Variants in SLC4A10 observed in about 807,000 individuals in gnomAD.
The protein encoded by SLC4A10 is sodium-driven chloride bicarbonate exchanger.
Under a neutral mutation model 137.7 loss-of-function variants are expected in SLC4A10, and 42 were observed. The ratio of observed to expected loss-of-function variants is 0.30; its 90% CI spans 0.24 to 0.39. SLC4A10 has a LOEUF of 0.39. SLC4A10 is among the 10% of genes least tolerant of loss of function. SLC4A10 has a pLI of 1.00. For synonymous variants in SLC4A10, 474 were observed against 464.1 expected, an observed-to-expected ratio of 1.02 and a Z score of -0.27; for missense variants, 925 against 1,355.0, an observed-to-expected ratio of 0.68 and a Z score of 4.98.
chr2:161,935,271 G>T (rs1041412595), intron 15 of SLC4A10, among the ~76,000 whole-genome samples: 1 of 152,130 alleles, frequency 6.6e-6, no homozygotes, highest in African/African-American at 2.4e-5. Flanking sequence ...GTGCCATGCT[G>T]CCTTGTAATA....
chr2:161,747,704 A>G (rs1281491865), intron 1 of SLC4A10, among the ~76,000 whole-genome samples: 1 of 152,088 alleles, frequency 6.6e-6, no homozygotes, highest in East Asian at 1.9e-4. Context: ...TCTATCACAA[A>G]ACACTTAAGT....
intron 1 of SLC4A10, among the ~76,000 whole-genome samples, chr2:161,657,857 A>T (rs1456290525): frequency 6.6e-6 from 1 of 152,144 alleles, no homozygotes; most frequent in Admixed American, 6.5e-5. Flanking sequence ...AGAAGTTCTA[A>T]CTTATTTTGA....
intron 10 of SLC4A10, among the ~76,000 whole-genome samples, chr2:161,887,308 T>A (rs746344903): frequency 1.3e-5 from 2 of 152,176 alleles, no homozygotes; most frequent in African/African-American, 2.4e-5. Flanking sequence ...TAGAATGATT[T>A]AGAATTCTTC....
intron 1 of SLC4A10, among the ~76,000 whole-genome samples, chr2:161,646,787 A>AT (rs1460159331): frequency 3.3e-5 from 5 of 151,982 alleles, no homozygotes; most frequent in African/African-American, 1.2e-4. Context: ...TGCCATAGAT[A>AT]TTTTTTATCC....
At chr2:161,937,451 C>T (rs1447656452) in intron 15 of SLC4A10, among the ~76,000 whole-genome samples, 1 of 152,182 alleles carries the variant, frequency 6.6e-6, no homozygotes, top group Admixed American at 6.6e-5. Flanking sequence ...TAGTTCCCCA[C>T]CCTCACTGCC....
chr2:161,765,138 T>C (rs1269542856), intron 1 of SLC4A10, among the ~76,000 whole-genome samples: 1 of 152,090 alleles, frequency 6.6e-6, no homozygotes, highest in East Asian at 1.9e-4. Flanking sequence ...GTAGAAAATA[T>C]TGGGGTGCAT....
chr2:161,717,941 G>A (rs1015080266), intron 1 of SLC4A10, among the ~76,000 whole-genome samples: 12 of 152,046 alleles, frequency 7.9e-5, no homozygotes, highest in African/African-American at 2.9e-4. Context: ...TTGTTTGGGA[G>A]GCTATTTTTA....
chr2:161,829,653 C>A (rs562521305), intron 3 of SLC4A10, among the ~76,000 whole-genome samples: 4 of 152,156 alleles, frequency 2.6e-5, no homozygotes, highest in African/African-American at 9.6e-5. Context: ...TTCTCATGTT[C>A]TGTAAATATA....
In SLC4A10 at chr2:161,964,182, A is replaced by G. The variant is rs571773808; in HGVS notation, c.2910A>G (p.Pro970=). 2 of 1,612,814 alleles carry G rather than the reference A, an allele frequency of 1.2e-6. No homozygotes were observed. Among genetic ancestry groups the G allele is most frequent in the Non-Finnish European group, 1.7e-6 (2 of 1,179,276 alleles). The change falls in exon 22 of 27, where the codon CCA becomes CCG. Residue 970 remains proline (P), a synonymous_variant. Coordinates refer to ENST00000446997, the MANE Select transcript of SLC4A10 (RefSeq NM_001178015.2). ...KLFWMPAKHQ[P]DFIYLRHVPL... ...TCTGGATGCCGGCAAAACATCAACC[A>G]GATTTTATATACCTAAGGCACGTAC...
chr2:161,807,909 G>C (rs2056159603), intron 3 of SLC4A10, among the ~76,000 whole-genome samples: 1 of 151,990 alleles, frequency 6.6e-6, no homozygotes, highest in South Asian at 2.1e-4. Flanking sequence ...ATTCCAAATT[G>C]ACAAGTATTT....
At chr2:161,980,942 G>A (rs1160102380) in intron 26 of SLC4A10, among the ~76,000 whole-genome samples, 1 of 152,162 alleles carries the variant, frequency 6.6e-6, no homozygotes, top group Non-Finnish European at 1.5e-5. Context: ...CCACAAAAGC[G>A]AACTTAACAA....
At chr2:161,626,739 C>T (rs2032457221) in intron 1 of SLC4A10, among the ~76,000 whole-genome samples, 1 of 152,010 alleles carries the variant, frequency 6.6e-6, no homozygotes, top group African/African-American at 2.4e-5. Flanking sequence ...CTAAGATCAC[C>T]CAGTGATGAA....
intron 3 of SLC4A10, among the ~76,000 whole-genome samples, chr2:161,818,271 G>A (rs554943017): frequency 6.6e-6 from 1 of 152,090 alleles, no homozygotes; most frequent in African/African-American, 2.4e-5. Flanking sequence ...TCATGATTTG[G>A]CTCTCTGTTT....
intron 9 of SLC4A10, among the ~76,000 whole-genome samples, chr2:161,880,306 A>ATGTT (rs2061687812): frequency 6.6e-6 from 1 of 152,176 alleles, no homozygotes; most frequent in Non-Finnish European, 1.5e-5. Flanking sequence ...TATCAACTGT[A>ATGTT]GAATATATGT....
intron 15 of SLC4A10, among the ~76,000 whole-genome samples, chr2:161,910,145 T>C (rs1685486049): frequency 6.6e-6 from 1 of 152,148 alleles, no homozygotes; most frequent in Non-Finnish European, 1.5e-5. Context: ...ATATTTCAGA[T>C]TTTTTATACT....
intron 1 of SLC4A10, among the ~76,000 whole-genome samples, chr2:161,678,833 A>C (rs2040542388): frequency 6.6e-6 from 1 of 152,168 alleles, no homozygotes; most frequent in Non-Finnish European, 1.5e-5. Flanking sequence ...TTATATGAAC[A>C]TACCACAATT....
intron 24 of SLC4A10, among the ~76,000 whole-genome samples, chr2:161,975,289 C>G (rs149276029): frequency 6.6e-6 from 1 of 151,814 alleles, no homozygotes; most frequent in Non-Finnish European, 1.5e-5. Context: ...AGGTAGAAAC[C>G]TAGTCTTGTG....
rs568611708 is a variant in SLC4A10 at position 161,915,891 on chromosome 2, A to T, written c.1997+10004A>T. On this transcript the variant is annotated intron_variant, in intron 15 of 26. Transcript: ENST00000446997. The stretch of plus-strand genomic sequence containing the variant: ...GTATAAGAGGAGAAAATTTGGACAC[A>T]CAAAGAGACACTAGGAATGTACATT... Among the ~76,000 whole-genome samples, 16 of 152,354 alleles carry T rather than the reference A, an allele frequency of 1.1e-4. 1 individual carries two copies. The highest frequency in any genetic ancestry group is 6.2e-4 in the South Asian group (3 of 4,830).
chr2:161,815,224 G>A (rs770332421), intron 3 of SLC4A10, among the ~76,000 whole-genome samples: 63 of 152,068 alleles, frequency 4.1e-4, no homozygotes, highest in Non-Finnish European at 8.4e-4. Flanking sequence ...TAATCCCCAT[G>A]TGTTGAGGGA....
Sources: gnomAD v4.1 joint callset for allele counts (sites outside exome capture counted in the v4.1 genomes callset) on GRCh38, gnomAD v4.1.1 for gene constraint, MANE v1.5 for transcripts, NCBI Gene and HGNC (gene_info 2026-07-23, HGNC 2026-07-21) for gene names.